B4GALNT3: variants seen among roughly 807,000 people sequenced by gnomAD.
The protein encoded by B4GALNT3 is beta-1,4-N-acetylgalactosaminyltransferase 3.
Under a neutral mutation model 120.2 loss-of-function variants are expected in B4GALNT3, and 86 were observed. That is an observed-to-expected ratio of 0.72 (90% confidence interval 0.60 to 0.86). The LOEUF (loss-of-function observed/expected upper bound fraction) is 0.86. Among genes scored for constraint, B4GALNT3 ranks in the 40% least tolerant of loss-of-function variants. The pLI, the probability that B4GALNT3 is intolerant of heterozygous loss-of-function variation, is 0.00. For synonymous variants in B4GALNT3, 518 were observed against 510.4 expected, an observed-to-expected ratio of 1.01 and a Z score of -0.20; for missense variants, 1,167 against 1,298.9, an observed-to-expected ratio of 0.90 and a Z score of 1.56.
intron 15 of B4GALNT3, 35 bp from the exon 16 acceptor site, chr12:557,573 T>G (rs768377210): frequency 6.3e-7 from 1 of 1,589,420 alleles, no homozygotes; most frequent in South Asian, 1.1e-5. Context: ...TTGCCTTGTC[T>G]GTGTTTCCTT....
chr12:553,338 T>C lies in B4GALNT3; in HGVS notation c.1415T>C (p.Leu472Pro). The C allele has an allele frequency of 6.2e-7, 1 of 1,613,752 alleles. No individual in the cohort carries two copies. The highest frequency in any genetic ancestry group is 8.5e-7 in the Non-Finnish European group (1 of 1,180,024). ...GAGCAAGATGCCACTGACTACCGCCTCCGAAGCCTGCGGAAACTCCTGGCT... is the reference window on the plus strand; with the variant it reads ...GAGCAAGATGCCACTGACTACCGCCCCCGAAGCCTGCGGAAACTCCTGGCT... ...TLEQDATDYR[L>P]RSLRKLLAQP... Residue 472 changes from leucine (L) to proline (P), a missense_variant, in exon 14 of 20, where the codon CTC (leucine) becomes CCC (proline). This residue lies in a region of B4GALNT3 where 983 missense variants were observed against 1,102.5 expected (regional missense o/e 0.89). Transcript: ENST00000266383.
At chr12:470,886 G>A (rs1329733530) in intron 1 of B4GALNT3, among the ~76,000 whole-genome samples, 3 of 151,888 alleles carry the variant, frequency 2.0e-5, no homozygotes, top group African/African-American at 7.2e-5. Context: ...TTACAGGCAT[G>A]TGTCACCATG....
intron 5 of B4GALNT3, 96 bp downstream of exon 5, chr12:545,068 A>G (rs935373385): frequency 3.3e-6 from 5 of 1,503,198 alleles, no homozygotes; most frequent in Non-Finnish European, 4.5e-6. Flanking sequence ...GACTGGACTA[A>G]CTTCCTGTTA....
chr12:548,165 C>T lies in B4GALNT3; in HGVS notation c.786+63C>T, dbSNP rs1947031821. ...TCCTGGCACTCATCTCCCCTTGTCC[C>T]TTGACCCCTGTTGGAAATCCAGCTA... is the stretch of plus-strand genomic sequence containing the variant. On this transcript the variant is annotated intron_variant, in intron 8 of 19. Coordinates refer to ENST00000266383, the MANE Select transcript of B4GALNT3 (RefSeq NM_173593.4). The surrounding 1 kb of genome is among the most constrained non-coding windows in gnomAD (Gnocchi z 4.9). 6.2e-7 allele frequency: 1 copy of T among 1,607,412 alleles called. No homozygotes were observed. The highest frequency in any genetic ancestry group is 8.5e-7 in the Non-Finnish European group (1 of 1,173,932).
intron 1 of B4GALNT3, among the ~76,000 whole-genome samples, chr12:511,230 ATCCACCT>A (rs1285346963): frequency 9.4e-5 from 14 of 148,354 alleles, no homozygotes; most frequent in African/African-American, 3.0e-4. Context: ...ACCTTCCACC[ATCCACCT>A]TCCACCTTCC....
chr12:553,655 A>C lies in B4GALNT3; in HGVS notation c.1732A>C (p.Met578Leu). 1 of 1,614,034 alleles carries C rather than the reference A, an allele frequency of 6.2e-7. No homozygotes were observed. Among genetic ancestry groups the C allele is most frequent in the Non-Finnish European group, 8.5e-7 (1 of 1,179,906 alleles). Residue 578 changes from methionine to leucine, a missense_variant, in exon 14 of 20, where the codon ATG (methionine) becomes CTG (leucine). Met to Leu is a conservative substitution (Grantham distance 15, BLOSUM62 2). Transcript: ENST00000266383. ...CGCAGAGCAGAGACGGGGTGACAGGATGCGGCCTCAGGCCCCTGGAAGGGG... is the reference window on the plus strand; with the variant it reads ...CGCAGAGCAGAGACGGGGTGACAGGCTGCGGCCTCAGGCCCCTGGAAGGGG... Reference protein sequence around the residue: ...YIAEQRRGDRMRPQAPGRGWH... With the variant: ...YIAEQRRGDRLRPQAPGRGWH...
intron 1 of B4GALNT3, among the ~76,000 whole-genome samples, chr12:466,376 G>C (rs951050314): frequency 1.3e-5 from 2 of 152,156 alleles, no homozygotes; most frequent in African/African-American, 2.4e-5. Context: ...GCCGCTCGCT[G>C]TCTAGTTCTC....
At chr12:502,396 C>G (rs941606730) in intron 1 of B4GALNT3, among the ~76,000 whole-genome samples, 1 of 152,136 alleles carries the variant, frequency 6.6e-6, no homozygotes, top group Admixed American at 6.6e-5. Context: ...CGCTCTGGGG[C>G]CTCCCTTGAA....
At chr12:503,562 C>T (rs370471425) in intron 1 of B4GALNT3, among the ~76,000 whole-genome samples, 1 of 152,230 alleles carries the variant, frequency 6.6e-6, no homozygotes. Context: ...GAATTAATGT[C>T]TTTAAGGAAC....
At chr12:467,233 G>T (rs1444741842) in intron 1 of B4GALNT3, among the ~76,000 whole-genome samples, 2 of 152,058 alleles carry the variant, frequency 1.3e-5, no homozygotes, top group South Asian at 2.1e-4. Flanking sequence ...ACTGTGCTCG[G>T]CCTCATTTTA....
chr12:517,648 C>G (rs1946670218), intron 1 of B4GALNT3, among the ~76,000 whole-genome samples: 1 of 152,208 alleles, frequency 6.6e-6, no homozygotes, highest in African/African-American at 2.4e-5. Context: ...ATGATGTCTT[C>G]CCTGACCACC....
chr12:466,866 CCT>C (rs1946086035), intron 1 of B4GALNT3, among the ~76,000 whole-genome samples: 1 of 151,784 alleles, frequency 6.6e-6, no homozygotes, highest in Admixed American at 6.6e-5. Flanking sequence ...CCCTGTGGTT[CCT>C]CTTTTTTTTC....
At chr12:466,281 G>A (rs1309648661) in intron 1 of B4GALNT3, among the ~76,000 whole-genome samples, 2 of 152,192 alleles carry the variant, frequency 1.3e-5, no homozygotes, top group Admixed American at 6.5e-5. Flanking sequence ...TTGCCCTCTA[G>A]TGCTGAGCTT....
chr12:556,247 G>A (rs1947155080), intron 14 of B4GALNT3, among the ~76,000 whole-genome samples: 1 of 152,028 alleles, frequency 6.6e-6, no homozygotes, highest in Non-Finnish European at 1.5e-5. Flanking sequence ...TTTTATTGAG[G>A]GTCAGTTTCT....
chr12:487,376 ATACC>A (rs2120493282), intron 1 of B4GALNT3, among the ~76,000 whole-genome samples: 1 of 152,294 alleles, frequency 6.6e-6, no homozygotes, highest in African/African-American at 2.4e-5. Context: ...AATAAACACA[ATACC>A]TAGCCAGACC....
chr12:548,636 G>A lies in B4GALNT3; in HGVS notation c.853+339G>A, dbSNP rs1273315664. Among the ~76,000 whole-genome samples the A allele has an allele frequency of 1.3e-5, 2 of 152,190 alleles. No homozygotes were observed. The highest frequency in any genetic ancestry group is 2.4e-5 in the African/African-American group (1 of 41,450). On this transcript the variant is annotated intron_variant, in intron 9 of 19. Coordinates refer to ENST00000266383, the MANE Select transcript of B4GALNT3 (RefSeq NM_173593.4). This position sits in a 1 kb window ranked among gnomAD's most constrained non-coding sequence, Gnocchi z 4.9. ...AGATCTAAAAACTCTGAGGCTGGGT[G>A]CGGTGGCTCATACCTGTAATCCCAG...
intron 1 of B4GALNT3, among the ~76,000 whole-genome samples, chr12:512,684 C>T (rs1429606210): frequency 1.5e-4 from 20 of 133,702 alleles, no homozygotes; most frequent in Admixed American, 5.7e-4. Context: ...CTTCCACCTT[C>T]GATCTTCCTT....
chr12:545,315 C>G (rs73592366), intron 5 of B4GALNT3, 54 bp from the exon 6 acceptor site: 1 of 1,561,658 alleles, frequency 6.4e-7, no homozygotes, highest in Non-Finnish European at 8.7e-7. Context: ...AAGCCTCCAG[C>G]TTTTATGCTG....
At chr12:470,543 C>G (rs945819586) in intron 1 of B4GALNT3, among the ~76,000 whole-genome samples, 1 of 152,200 alleles carries the variant, frequency 6.6e-6, no homozygotes, top group African/African-American at 2.4e-5. Flanking sequence ...CTCTCTGTCC[C>G]GGGTCTCCTT....
Sources: gnomAD v4.1 joint callset for allele counts (sites outside exome capture counted in the v4.1 genomes callset) on GRCh38, gnomAD v4.1.1 for gene constraint, gnomAD v4.1.1 regional missense constraint, Gnocchi (gnomAD v3.1) non-coding constraint, MANE v1.5 for transcripts, NCBI Gene and HGNC (gene_info 2026-07-23, HGNC 2026-07-21) for gene names.